Variants in RAP2A observed in about 807,000 individuals in gnomAD.
RAP2A encodes ras-related protein Rap-2a.
In RAP2A, 5 loss-of-function variants were observed where a neutral mutation model predicts 15.1. That is an observed-to-expected ratio of 0.33 (90% CI 0.17 to 0.70). The LOEUF (loss-of-function observed/expected upper bound fraction) is 0.70. Among genes scored for constraint, RAP2A ranks in the 30% least tolerant of loss-of-function variants. RAP2A has a pLI of 0.68. For missense variants in RAP2A, 111 were observed against 240.3 expected, an observed-to-expected ratio of 0.46 and a Z score of 3.56; for synonymous variants, 110 against 99.7, an observed-to-expected ratio of 1.10 and a Z score of -0.62.
chr13:97,453,336 C>T lies in RAP2A; in HGVS notation c.315-10869C>T, dbSNP rs556707365. On this transcript the variant is annotated intron_variant, in intron 1 of 1. Coordinates refer to ENST00000245304, the MANE Select transcript of RAP2A (RefSeq NM_021033.7). ...ACATTTCTATCACCACAGGATCTCT[C>T]GGGTTGCCCTTATAGTCACACTTAC... Among the ~76,000 whole-genome samples the T allele has an allele frequency of 5.7e-4, 86 of 151,292 alleles. 3 individuals are homozygous for T. The highest frequency in any genetic ancestry group is 1.9e-3 in the African/African-American group (79 of 41,092).
intron 1 of RAP2A, among the ~76,000 whole-genome samples, chr13:97,458,363 AG>A (rs1335105719): frequency 2.6e-5 from 4 of 152,180 alleles, no homozygotes; most frequent in African/African-American, 9.6e-5. Context: ...CACCCTCAAA[AG>A]TAAAGTACAG....
intron 1 of RAP2A, among the ~76,000 whole-genome samples, chr13:97,439,373 G>A (rs1308727082): frequency 6.6e-6 from 1 of 152,178 alleles, no homozygotes; most frequent in Non-Finnish European, 1.5e-5. Flanking sequence ...CGTGAAGTGT[G>A]AAAATCCTGA....
chr13:97,451,323 CA>C (rs2153179793), intron 1 of RAP2A, among the ~76,000 whole-genome samples: 1 of 152,150 alleles, frequency 6.6e-6, no homozygotes, highest in South Asian at 2.1e-4. Context: ...CACCTGTAAC[CA>C]AATCCCAAAT....
At chr13:97,454,616 A>G (rs932394859) in intron 1 of RAP2A, among the ~76,000 whole-genome samples, 3 of 151,268 alleles carry the variant, frequency 2.0e-5, no homozygotes, top group African/African-American at 7.3e-5. Context: ...CTATATCAAA[A>G]TCCTCAAAAA....
At chr13:97,463,232 G>A (rs778437965) in intron 1 of RAP2A, among the ~76,000 whole-genome samples, 12 of 152,190 alleles carry the variant, frequency 7.9e-5, no homozygotes, top group Non-Finnish European at 1.6e-4. Flanking sequence ...GTAAATAAAT[G>A]TGCAGTCCAG....
In RAP2A at chr13:97,466,686, A is replaced by G. The variant is rs1436370321; in HGVS notation, c.*2244A>G. On this transcript the variant is annotated 3_prime_UTR_variant, in exon 2 of 2. Transcript: ENST00000245304. The stretch of plus-strand genomic sequence containing the variant: ...TAATATGAAAGATATGGCAGAATGT[A>G]AAGTGGAAAAGATGACCTAAAATTT... 4 of 152,238 alleles carry G rather than the reference A, an allele frequency of 2.6e-5. No individual in the cohort carries two copies. Among genetic ancestry groups the G allele is most frequent in the Non-Finnish European group, 5.9e-5 (4 of 68,038 alleles). The allele number at this position is 152,238 out of a possible 1,614,324, so 9.4% of individuals were successfully genotyped here. A position where few individuals can be genotyped will look rare whatever the true frequency, so the allele number is the denominator to read the frequency against.
chr13:97,437,063 G>C (rs2066637180), intron 1 of RAP2A, among the ~76,000 whole-genome samples: 1 of 152,130 alleles, frequency 6.6e-6, no homozygotes, highest in Non-Finnish European at 1.5e-5. Flanking sequence ...CTTTTCAATA[G>C]AGATATAACG....
At chr13:97,461,317 C>T (rs975782627) in intron 1 of RAP2A, among the ~76,000 whole-genome samples, 2 of 152,138 alleles carry the variant, frequency 1.3e-5, no homozygotes, top group African/African-American at 2.4e-5. Flanking sequence ...CAACATCGTA[C>T]TCAGTTTAAA....
intron 1 of RAP2A, among the ~76,000 whole-genome samples, chr13:97,439,479 G>T (rs915306185): frequency 6.6e-6 from 1 of 152,196 alleles, no homozygotes; most frequent in Admixed American, 6.5e-5. Context: ...AGAGGAAAAG[G>T]TCAGAAGTAA....
chr13:97,452,908 AT>A (rs1356710259), intron 1 of RAP2A, among the ~76,000 whole-genome samples: 1 of 151,242 alleles, frequency 6.6e-6, no homozygotes, highest in Non-Finnish European at 1.5e-5. Flanking sequence ...GCTACTGTAA[AT>A]GGTTCATTTT....
At chr13:97,435,633 A>G (rs149622671) in intron 1 of RAP2A, among the ~76,000 whole-genome samples, 1 of 152,206 alleles carries the variant, frequency 6.6e-6, no homozygotes, top group East Asian at 1.9e-4. Flanking sequence ...CATTTTGGAA[A>G]TATGGCTGAT....
intron 1 of RAP2A, among the ~76,000 whole-genome samples, chr13:97,453,605 C>T (rs2066711326): frequency 1.3e-5 from 2 of 151,098 alleles, no homozygotes; most frequent in African/African-American, 2.4e-5. Flanking sequence ...GATTTACTGC[C>T]GTTTGTTTAC....
chr13:97,441,941 C>T (rs1020871319), intron 1 of RAP2A: 4 of 247,116 alleles, frequency 1.6e-5, no homozygotes, highest in South Asian at 4.0e-5. Flanking sequence ...TAATGGTGTG[C>T]AGAAATATGC....
At chr13:97,447,162 A>G (rs542622200) in intron 1 of RAP2A, among the ~76,000 whole-genome samples, 4 of 152,334 alleles carry the variant, frequency 2.6e-5, no homozygotes, top group East Asian at 1.9e-4. Flanking sequence ...TGCCCTTGCA[A>G]TTGATCTACC....
At chr13:97,441,613 T>C (rs905642349) in intron 1 of RAP2A, among the ~76,000 whole-genome samples, 1 of 151,992 alleles carries the variant, frequency 6.6e-6, no homozygotes, top group Non-Finnish European at 1.5e-5. Flanking sequence ...TCTTTTCAGT[T>C]CTCTTTTAGT....
At chr13:97,453,215 AATTCC>A (rs1366928074) in intron 1 of RAP2A, among the ~76,000 whole-genome samples, 1 of 151,450 alleles carries the variant, frequency 6.6e-6, no homozygotes, top group Non-Finnish European at 1.5e-5. Flanking sequence ...TGAAATAATC[AATTCC>A]ATGTACTCTT....
intron 1 of RAP2A, among the ~76,000 whole-genome samples, chr13:97,458,372 C>T (rs1399821420): frequency 6.6e-6 from 1 of 152,102 alleles, no homozygotes; most frequent in Non-Finnish European, 1.5e-5. Flanking sequence ...AAGTAAAGTA[C>T]AGAAACTGAC....
Position 97,462,979 on chromosome 13 carries a change from A to T in RAP2A, c.315-1226A>T, listed in dbSNP as rs1210575666. On this transcript the variant is annotated intron_variant, in intron 1 of 1. Coordinates refer to ENST00000245304, the MANE Select transcript of RAP2A (RefSeq NM_021033.7). ...AAATTGTCTATGCATCCTGCCTCAAAGGCTTGACCATGGGGTGGTTTTCTC... is the reference window on the plus strand; with the variant it reads ...AAATTGTCTATGCATCCTGCCTCAATGGCTTGACCATGGGGTGGTTTTCTC... 2.0e-5 allele frequency among the ~76,000 whole-genome samples: 3 copies of T among 149,244 alleles called. No homozygotes were observed. In the East Asian group the frequency reaches 5.9e-4, roughly 29 times the overall value.
At chr13:97,457,271 T>C (rs1566474800) in intron 1 of RAP2A, among the ~76,000 whole-genome samples, 1 of 151,874 alleles carries the variant, frequency 6.6e-6, no homozygotes, top group East Asian at 1.9e-4. Context: ...CATATATATA[T>C]ATAATGCATA....
Sources: gnomAD v4.1 joint callset for allele counts (sites outside exome capture counted in the v4.1 genomes callset) on GRCh38, gnomAD v4.1.1 for gene constraint, MANE v1.5 for transcripts, NCBI Gene and HGNC (gene_info 2026-07-23, HGNC 2026-07-21) for gene names.